Variants in ST18 observed in about 807,000 individuals in gnomAD.
The protein encoded by ST18 is ST18 C2H2C-type zinc finger transcription factor.
A neutral mutation model predicts 110.0 loss-of-function variants in ST18; 50 were observed. The ratio of observed to expected loss-of-function variants is 0.45; its 90% CI spans 0.36 to 0.58. The LOEUF (loss-of-function observed/expected upper bound fraction) is 0.58. Among genes scored for constraint, ST18 ranks in the 20% least tolerant of loss-of-function variants. The pLI, the probability that ST18 is intolerant of heterozygous loss-of-function variation, is 0.00. For synonymous variants in ST18, 461 were observed against 452.4 expected (o/e 1.02, Z -0.24); for missense variants, 1,306 against 1,280.1 (o/e 1.02, Z -0.31).
chr8:52,113,268 C>T lies in ST18; in HGVS notation c.3074G>A (p.Arg1025Gln), dbSNP rs770160138. Reference protein sequence around the residue: ...TLTDMYSNLERDYSPECKALL... With the variant: ...TLTDMYSNLEQDYSPECKALL... Reference sequence around the variant, plus strand: ...AGCTTTGCATTCCGGGGAATAGTCCCGTTCCAGATTGCTGTACATATCTGT... The same window carrying T: ...AGCTTTGCATTCCGGGGAATAGTCCTGTTCCAGATTGCTGTACATATCTGT... The change falls in exon 26 of 26, where the codon CGG becomes CAG. Residue 1025 changes from arginine to glutamine, a missense_variant. By Grantham distance (43) the Arg-to-Gln change is conservative (BLOSUM62 1). Transcript: ENST00000689386. 1.5e-5 allele frequency: 24 copies of T among 1,613,982 alleles called. No homozygotes were observed. In the South Asian group the frequency reaches 2.1e-4, roughly 14 times the overall value.
chr8:52,388,905 T>G (rs1433576785), intron 2 of ST18, among the ~76,000 whole-genome samples: 2 of 149,070 alleles, frequency 1.3e-5, no homozygotes, highest in African/African-American at 4.9e-5. Flanking sequence ...GCATGGCACA[T>G]GTATACATAT....
chr8:52,159,386 G>A (rs544794397), intron 14 of ST18, among the ~76,000 whole-genome samples: 143 of 152,040 alleles, frequency 9.4e-4, no homozygotes, highest in African/African-American at 3.2e-3. Context: ...CTAATGTTAT[G>A]GGGCAGGTGC....
At chr8:52,348,542 C>T (rs1045118975) in intron 2 of ST18, among the ~76,000 whole-genome samples, 2 of 152,180 alleles carry the variant, frequency 1.3e-5, no homozygotes, top group African/African-American at 4.8e-5. Flanking sequence ...CACCTGAGTT[C>T]GAGACCAGCC....
intron 2 of ST18, among the ~76,000 whole-genome samples, chr8:52,306,520 A>T (rs2095815680): frequency 6.6e-6 from 1 of 152,240 alleles, no homozygotes; most frequent in Non-Finnish European, 1.5e-5. Context: ...TACCAAGGCA[A>T]GGGGTACATA....
At chr8:52,125,960 C>T in intron 23 of ST18, 92 bp downstream of exon 23, 4 of 896,544 alleles carry the variant, frequency 4.5e-6, no homozygotes, top group South Asian at 2.0e-5. Context: ...ATTATGCTTC[C>T]CACCTAGAGA....
intron 17 of ST18, among the ~76,000 whole-genome samples, chr8:52,142,540 T>C (rs2055565503): frequency 6.6e-6 from 1 of 152,200 alleles, no homozygotes; most frequent in African/African-American, 2.4e-5. Context: ...TACCCTGCTC[T>C]TTAACCTCTT....
chr8:52,239,065 G>T (rs78471325), intron 2 of ST18, among the ~76,000 whole-genome samples: 3 of 151,960 alleles, frequency 2.0e-5, no homozygotes, highest in African/African-American at 7.3e-5. Context: ...TTGAAAATAT[G>T]CTAAGTGAAA....
At chr8:52,181,497 G>A (rs1271707590) in intron 8 of ST18, among the ~76,000 whole-genome samples, 1 of 152,096 alleles carries the variant, frequency 6.6e-6, no homozygotes, top group South Asian at 2.1e-4. Flanking sequence ...CCTGGAAGAA[G>A]CAATAATTAG....
At chr8:52,371,640 G>A (rs757812015) in intron 2 of ST18, among the ~76,000 whole-genome samples, 5 of 152,148 alleles carry the variant, frequency 3.3e-5, no homozygotes, top group Non-Finnish European at 5.9e-5. Context: ...TAAGCTCAAC[G>A]CTTTTCCAGC....
At chr8:52,352,513 T>C (rs747543674) in intron 2 of ST18, among the ~76,000 whole-genome samples, 1 of 152,232 alleles carries the variant, frequency 6.6e-6, no homozygotes, top group Non-Finnish European at 1.5e-5. Flanking sequence ...TGCATATTTA[T>C]GACTTTATTT....
intron 2 of ST18, among the ~76,000 whole-genome samples, chr8:52,318,166 C>T (rs568526581): frequency 2.2e-4 from 34 of 152,066 alleles, no homozygotes; most frequent in African/African-American, 8.0e-4. Flanking sequence ...CTATAAGCAA[C>T]TTAAATTTAC....
intron 2 of ST18, among the ~76,000 whole-genome samples, chr8:52,321,459 A>C (rs543399928): frequency 2.0e-5 from 3 of 152,352 alleles, no homozygotes; most frequent in African/African-American, 7.2e-5. Flanking sequence ...ATTTTAATCA[A>C]TCACTATTTA....
intron 2 of ST18, among the ~76,000 whole-genome samples, chr8:52,295,154 CT>C (rs564734777): frequency 6.6e-6 from 1 of 152,108 alleles, no homozygotes; most frequent in African/African-American, 2.4e-5. Context: ...CGTGTAACCA[CT>C]TTTTTCTTTT....
At chr8:52,320,766 T>C (rs888573245) in intron 2 of ST18, among the ~76,000 whole-genome samples, 34 of 152,338 alleles carry the variant, frequency 2.2e-4, no homozygotes, top group Non-Finnish European at 4.4e-4. Context: ...TGAAACAATT[T>C]GGTAACACCT....
At chr8:52,235,533 G>A (rs2092503854) in intron 2 of ST18, among the ~76,000 whole-genome samples, 1 of 152,204 alleles carries the variant, frequency 6.6e-6, no homozygotes, top group East Asian at 1.9e-4. Context: ...CCCTGACCCT[G>A]TGATTTGAAT....
chr8:52,170,875 T>C (rs1273413360), intron 10 of ST18, among the ~76,000 whole-genome samples: 2 of 152,364 alleles, frequency 1.3e-5, no homozygotes, highest in East Asian at 3.9e-4. Flanking sequence ...AATTTGTTTC[T>C]GGATAACTCT....
chr8:52,404,210 T>G (rs747514937), intron 2 of ST18: 7 of 152,214 alleles, frequency 4.6e-5, no homozygotes, highest in Non-Finnish European at 8.8e-5. Flanking sequence ...TTAACCACAT[T>G]AGAAAAAGAT....
chr8:52,383,254 A>C (rs1018457729), intron 2 of ST18, among the ~76,000 whole-genome samples: 5 of 152,284 alleles, frequency 3.3e-5, no homozygotes, highest in African/African-American at 1.2e-4. Flanking sequence ...TCATTTAAAG[A>C]AGGAGAACAA....
At chr8:52,185,572 A>T (rs1475135785) in intron 8 of ST18, among the ~76,000 whole-genome samples, 1 of 151,878 alleles carries the variant, frequency 6.6e-6, no homozygotes, top group Admixed American at 6.6e-5. Context: ...TGCAAATATT[A>T]AAAAAAACAG....
Sources: gnomAD v4.1 joint callset for allele counts (sites outside exome capture counted in the v4.1 genomes callset) on GRCh38, gnomAD v4.1.1 for gene constraint, MANE v1.5 for transcripts, NCBI Gene and HGNC (gene_info 2026-07-23, HGNC 2026-07-21) for gene names.